The following MYO1B variants were observed in gnomAD, a reference collection of about 807,000 sequenced individuals.
MYO1B encodes the protein unconventional myosin-Ib.
In MYO1B, 72 loss-of-function variants were observed where a neutral mutation model predicts 159.7. The observed-to-expected ratio is 0.45, with a 90% CI of 0.37 to 0.55. MYO1B has a LOEUF of 0.55. MYO1B is among the 20% of genes least tolerant of loss of function. The pLI, the probability that MYO1B is intolerant of heterozygous loss-of-function variation, is 0.00. For missense variants in MYO1B, 1,062 were observed against 1,364.8 expected (o/e 0.78, Z 3.50); for synonymous variants, 468 against 473.8 (o/e 0.99, Z 0.16).
intron 11 of MYO1B, among the ~76,000 whole-genome samples, chr2:191,368,292 T>A (rs1694137564): frequency 6.6e-6 from 1 of 152,220 alleles, no homozygotes; most frequent in South Asian, 2.1e-4. Flanking sequence ...CAATTTTTAC[T>A]TAGAAGCAGC....
intron 1 of MYO1B, among the ~76,000 whole-genome samples, chr2:191,251,746 T>G (rs1412715684): frequency 6.6e-6 from 1 of 152,234 alleles, no homozygotes; most frequent in Non-Finnish European, 1.5e-5. Context: ...TGGAACAGAT[T>G]ATTAGTTATC....
chr2:191,253,056 A>T (rs1218560051), intron 1 of MYO1B, among the ~76,000 whole-genome samples: 1 of 139,488 alleles, frequency 7.2e-6, no homozygotes, highest in Non-Finnish European at 1.6e-5. Flanking sequence ...AAAATTAGTA[A>T]GTTGGAAAAA....
intron 3 of MYO1B, among the ~76,000 whole-genome samples, chr2:191,324,629 C>A (rs1256218639): frequency 2.0e-5 from 3 of 152,092 alleles, no homozygotes. Context: ...TTTTGAAAGG[C>A]TTTTCTACCT....
Position 191,402,650 on chromosome 2 carries a change from C to T in MYO1B, c.2488C>T (p.Arg830Cys), listed in dbSNP as rs1350643656. 8.1e-6 allele frequency: 13 copies of T among 1,613,528 alleles called. No individual in the cohort carries two copies. The highest frequency in any genetic ancestry group is 1.3e-5 in the African/African-American group (1 of 74,902). The change falls in exon 24 of 31, where the codon CGC becomes TGC. Residue 830 changes from arginine to cysteine, a missense_variant. Coordinates refer to ENST00000392318, the MANE Select transcript of MYO1B (RefSeq NM_001130158.3). Reference sequence around the variant, plus strand: ...ATTCTAGGCTCGAAGGGAATTGAAACGCTTGAAGGAGGAGGCTAGGCGTAA... The same window carrying T: ...ATTCTAGGCTCGAAGGGAATTGAAATGCTTGAAGGAGGAGGCTAGGCGTAA... ...LGSKARRELK[R>C]LKEEARRKHA... is the part of the protein sequence containing the mutation.
At chr2:191,343,581 T>G (rs1692368712) in intron 5 of MYO1B, among the ~76,000 whole-genome samples, 1 of 152,262 alleles carries the variant, frequency 6.6e-6, no homozygotes. Flanking sequence ...TCAATTTTAT[T>G]GTTCCAATAT....
At chr2:191,287,317 C>G (rs997730754) in intron 2 of MYO1B, among the ~76,000 whole-genome samples, 25 of 152,014 alleles carry the variant, frequency 1.6e-4, no homozygotes, top group African/African-American at 5.3e-4. Flanking sequence ...CACCCGAGGT[C>G]AGGAATTCAA....
rs1695862981 is a variant in MYO1B, at chr2:191,393,179, A to G, written c.2183A>G (p.Lys728Arg). The G allele has an allele frequency of 6.2e-7, 1 of 1,614,136 alleles. No individual in the cohort carries two copies. The highest frequency in any genetic ancestry group is 8.5e-7 in the Non-Finnish European group (1 of 1,179,992). ...WKCRTHFLLM[K>R]KSQIVIAAWY... Reference sequence around the variant, plus strand: ...TGCCGCACACACTTCCTGCTAATGAAAAAAAGCCAAATTGTGATTGCCGCC... The same window carrying G: ...TGCCGCACACACTTCCTGCTAATGAGAAAAAGCCAAATTGTGATTGCCGCC... The change falls in exon 20 of 31, where the codon AAA (lysine) becomes AGA (arginine). Residue 728 changes from lysine (K) to arginine (R), a missense_variant. Physicochemically the swap from Lys to Arg is conservative, Grantham distance 26. Coordinates refer to ENST00000392318, the MANE Select transcript of MYO1B (RefSeq NM_001130158.3).
intron 4 of MYO1B, among the ~76,000 whole-genome samples, chr2:191,336,069 G>C (rs1263144552): frequency 6.6e-6 from 1 of 152,136 alleles, no homozygotes; most frequent in Non-Finnish European, 1.5e-5. Context: ...GGGCAGGGGG[G>C]CAGAATATGA....
intron 27 of MYO1B, among the ~76,000 whole-genome samples, chr2:191,412,107 C>A (rs971501340): frequency 6.6e-6 from 1 of 152,136 alleles, no homozygotes; most frequent in Non-Finnish European, 1.5e-5. Flanking sequence ...AATTGTACAA[C>A]TTCATTGGTT....
At chr2:191,368,018 G>A (rs544458644) in intron 11 of MYO1B, among the ~76,000 whole-genome samples, 1 of 152,254 alleles carries the variant, frequency 6.6e-6, no homozygotes, top group East Asian at 1.9e-4. Flanking sequence ...TCCCTTGTTT[G>A]TTTATTTGTT....
Position 191,249,928 on chromosome 2 carries a change from AAGC to A in MYO1B, c.-10+4307_-10+4309del, listed in dbSNP as rs565621361. Among the ~76,000 whole-genome samples, 429 of 152,358 alleles carry A rather than the reference AAGC, an allele frequency of 2.8e-3. 1 individual carries two copies. Among genetic ancestry groups the A allele is most frequent in the Non-Finnish European group, 3.2e-3 (215 of 68,034 alleles). On this transcript the variant is annotated intron_variant, in intron 1 of 30. Transcript: ENST00000392318. The stretch of plus-strand genomic sequence containing the variant: ...AGGTGAGCACCTTCCAACTTACCAT[AAGC>A]AGCATAGAGGAGGAAAAAGGATGCT...
intron 1 of MYO1B, among the ~76,000 whole-genome samples, chr2:191,272,510 A>C (rs1687512642): frequency 6.6e-6 from 1 of 152,206 alleles, no homozygotes; most frequent in Non-Finnish European, 1.5e-5. Flanking sequence ...GCATGGCAGA[A>C]GTGCTTATTT....
rs149760274 is a variant in MYO1B, at chr2:191,261,247, ATG to A, written c.-10+15626_-10+15627del. Among the ~76,000 whole-genome samples, 505 of 152,310 alleles carry A rather than the reference ATG, an allele frequency of 3.3e-3. 3 individuals carry two copies. Among genetic ancestry groups the A allele is most frequent in the East Asian group, 0.018 (95 of 5,194 alleles). On this transcript the variant is annotated intron_variant, in intron 1 of 30. Transcript: ENST00000392318. Reference sequence around the variant, plus strand: ...ATAGTTTAATACAATGATTTTAAACATGTGTGCCAAAAGAATTGTTGTTTCTA... The same window carrying A: ...ATAGTTTAATACAATGATTTTAAACATGTGCCAAAAGAATTGTTGTTTCTA...
At chr2:191,416,000 G>T in intron 29 of MYO1B, 115 bp from the exon 30 acceptor site, 1 of 1,170,678 alleles carries the variant, frequency 8.5e-7, no homozygotes, top group Middle Eastern at 2.1e-4. Flanking sequence ...TTGGGAGAAT[G>T]GATTCCAGGA....
chr2:191,349,264 G>GA (rs1359194513), intron 6 of MYO1B, among the ~76,000 whole-genome samples: 1 of 152,162 alleles, frequency 6.6e-6, no homozygotes, highest in African/African-American at 2.4e-5. Flanking sequence ...CCATGATGAT[G>GA]AAAAAAGAGA....
chr2:191,360,712 C>CT lies in MYO1B; in HGVS notation c.644_645insT (p.Ser216LeufsTer2). On this transcript the variant is annotated frameshift_variant, in exon 8 of 31. Transcript: ENST00000392318. LOFTEE classifies it high-confidence loss of function. ...GTGTTCTATCAGCTGCTCTCTGGTG[C>CT]CTCTGAAGAGCTCCTCAGTAAGTCT... is the stretch of plus-strand genomic sequence containing the variant. The CT allele has an allele frequency of 6.2e-7, 1 of 1,609,762 alleles. No individual in the cohort carries two copies. Among genetic ancestry groups the CT allele is most frequent in the Non-Finnish European group, 8.5e-7 (1 of 1,176,648 alleles).
intron 2 of MYO1B, among the ~76,000 whole-genome samples, chr2:191,289,948 C>G (rs1437271326): frequency 6.6e-6 from 1 of 152,144 alleles, no homozygotes; most frequent in Admixed American, 6.5e-5. Context: ...ATTTATCTGC[C>G]TTTGCGAAGG....
intron 2 of MYO1B, among the ~76,000 whole-genome samples, chr2:191,287,312 G>C (rs1303474602): frequency 4.6e-5 from 7 of 152,048 alleles, no homozygotes. Flanking sequence ...CGGATCACCC[G>C]AGGTCAGGAA....
intron 3 of MYO1B, among the ~76,000 whole-genome samples, chr2:191,321,210 A>G (rs1034707836): frequency 7.2e-5 from 11 of 152,190 alleles, no homozygotes; most frequent in Non-Finnish European, 1.2e-4. Flanking sequence ...GTAAAAAATC[A>G]GCAGAAACCA....
Sources: allele counts gnomAD v4.1 joint callset (sites outside exome capture counted in the v4.1 genomes callset), GRCh38; gene constraint gnomAD v4.1.1; transcripts MANE v1.5; gene names NCBI Gene and HGNC (gene_info 2026-07-23, HGNC 2026-07-21).